The following KIF18B variants were observed in gnomAD, a reference collection of about 807,000 sequenced individuals.
KIF18B encodes kinesin-like protein KIF18B.
Under a neutral mutation model 80.9 loss-of-function variants are expected in KIF18B, and 49 were observed. The observed-to-expected ratio is 0.61, with a 90% confidence interval of 0.48 to 0.77. The LOEUF is 0.77. KIF18B is among the 30% of genes least tolerant of loss of function. KIF18B has a pLI of 0.00. For synonymous variants in KIF18B, 439 were observed against 463.9 expected (o/e 0.95, Z 0.69); for missense variants, 994 against 1,127.7 (o/e 0.88, Z 1.70).
rs1380019142 is a variant in KIF18B at position 44,928,285 on chromosome 17, T to C, written c.2017A>G (p.Ser673Gly). 1.2e-6 allele frequency: 2 copies of C among 1,613,380 alleles called. No individual in the cohort carries two copies. Among genetic ancestry groups the C allele is most frequent in the Non-Finnish European group, 1.7e-6 (2 of 1,179,776 alleles). Residue 673 changes from serine (S) to glycine (G), a missense_variant, in exon 13 of 16, where the codon AGC becomes GGC. Physicochemically the swap from Ser to Gly is moderately conservative, Grantham distance 56 (BLOSUM62 0). Transcript: ENST00000593135. ...GAGGCCCTTTCTCCTTTGGGGGTGC[T>C]GGGCCCCTGTGAAGGTTGGGTGTCA... ...LPDTQPSQGP[S>G]TPKGERASSP... is the part of the protein sequence containing the mutation.
At chr17:44,935,932 G>T in intron 2 of KIF18B, 100 bp downstream of exon 2, 4 of 1,068,296 alleles carry the variant, frequency 3.7e-6, no homozygotes, top group Non-Finnish European at 5.6e-6. Context: ...ATCGTGCCCA[G>T]CTTGGGGGAG....
rs926397684 is a variant in KIF18B, at chr17:44,925,945, G to T, written c.*135C>A. The T allele has an allele frequency of 1.3e-6, 1 of 797,072 alleles. No homozygotes were observed. The highest frequency in any genetic ancestry group is 2.1e-6 in the Non-Finnish European group (1 of 473,130). 49.4% of individuals were successfully genotyped at this position (797,072 alleles called of 1,614,324 possible). A position where few individuals can be genotyped will look rare whatever the true frequency, so the allele number is the denominator to read the frequency against. On this transcript the variant is annotated 3_prime_UTR_variant, in exon 16 of 16. Coordinates refer to ENST00000593135, the MANE Select transcript of KIF18B (RefSeq NM_001265577.2). ...GGGGAGGGATGTTAATACAGCAAAG[G>T]TGTGTTGGCACTAATTGCTCCCAGG... is the stretch of plus-strand genomic sequence containing the variant.
At position 44,928,350 on chromosome 17, in the gene KIF18B, C is replaced by G. The variant is rs371129096; in HGVS notation, c.1952G>C (p.Arg651Pro). 1.9e-6 allele frequency: 3 copies of G among 1,605,376 alleles called. No individual in the cohort carries two copies. The South Asian group carries it at 3.3e-5, about 18-fold the overall frequency. The change falls in exon 13 of 16, where the codon CGC (arginine) becomes CCC (proline). Residue 651 changes from arginine (R) to proline (P), a missense_variant. Arg to Pro is a moderately radical substitution (Grantham distance 103). Transcript: ENST00000593135. ...CCTTAGGCAGGGCAGGAAGGACTGGCGCTGGCGCTTGGTGCCCCGCTTTGG... is the reference window on the plus strand; with the variant it reads ...CCTTAGGCAGGGCAGGAAGGACTGGGGCTGGCGCTTGGTGCCCCGCTTTGG... ...MAPKRGTKRQRQSFLPCLRRG... is the reference protein window; with the variant it reads ...MAPKRGTKRQPQSFLPCLRRG...
chr17:44,936,796 T>A (rs895160454), intron 1 of KIF18B, among the ~76,000 whole-genome samples: 4 of 150,440 alleles, frequency 2.7e-5, no homozygotes, highest in Non-Finnish European at 4.4e-5. Context: ...TGTGCCACCA[T>A]GCCTGGCTAA....
intron 1 of KIF18B, among the ~76,000 whole-genome samples, chr17:44,947,330 G>A (rs1375302356): frequency 6.6e-6 from 1 of 152,052 alleles, no homozygotes; most frequent in African/African-American, 2.4e-5. Context: ...ACGTACAGAG[G>A]GCCAGGCCCC....
chr17:44,943,677 T>C (rs957289457), intron 1 of KIF18B, among the ~76,000 whole-genome samples: 52 of 152,306 alleles, frequency 3.4e-4, no homozygotes, highest in African/African-American at 1.2e-3. Flanking sequence ...GAATGGATAT[T>C]GAACTTTATT....
At position 44,926,973 on chromosome 17, in the gene KIF18B, A is replaced by C. The variant is rs1183018357; in HGVS notation, c.2366+16T>G. The C allele has an allele frequency of 6.3e-7, 1 of 1,596,652 alleles. No individual in the cohort carries two copies. The highest frequency in any genetic ancestry group is 2.3e-5 in the East Asian group (1 of 44,442). On this transcript the variant is annotated intron_variant, in intron 14 of 15. Coordinates refer to ENST00000593135, the MANE Select transcript of KIF18B (RefSeq NM_001265577.2). ...GAGCTCCTTCTCCCAGACAGCTGAC[A>C]CCTCCCAAACCTCACCTCGCAACGC...
chr17:44,926,143 T>C lies in KIF18B; in HGVS notation c.2496A>G (p.Gly832=), dbSNP rs1321175024. The C allele has an allele frequency of 1.9e-6, 3 of 1,613,732 alleles. No individual in the cohort carries two copies. The highest frequency in any genetic ancestry group is 2.5e-6 in the Non-Finnish European group (3 of 1,179,866). Residue 832 remains glycine (G), a synonymous_variant, in exon 16 of 16, where the codon GGA becomes GGG. Transcript: ENST00000593135. ...CTCTCCCCACCCTGATGAGGTCCTT[T>C]CCATTCCTCCGGTTGCTAGGGCACA... The part of the protein sequence containing the change: ...SPLCPSNRRN[G]KDLIRVGRAL...
chr17:44,941,834 T>TAA (rs1055755776), intron 1 of KIF18B, among the ~76,000 whole-genome samples: 1 of 152,002 alleles, frequency 6.6e-6, no homozygotes, highest in Non-Finnish European at 1.5e-5. Flanking sequence ...AGCAGGAAAT[T>TAA]AAAAAGGGCA....
In KIF18B at chr17:44,933,918, C is replaced by G; in HGVS notation, c.1062+5G>C. ...ACGCCCAAGCCGGCCCTGGCTGGCACGCACCGAGAGCCTGATCTCCTTGGC... is the reference window on the plus strand; with the variant it reads ...ACGCCCAAGCCGGCCCTGGCTGGCAGGCACCGAGAGCCTGATCTCCTTGGC... On this transcript the variant is annotated splice_donor_5th_base_variant and intron_variant, in intron 7 of 15. Transcript: ENST00000593135. The G allele has an allele frequency of 6.4e-7, 1 of 1,553,796 alleles. No individual in the cohort carries two copies. The highest frequency in any genetic ancestry group is 1.4e-5 in the African/African-American group (1 of 73,642).
At chr17:44,926,391 T>G in intron 15 of KIF18B, 23 bp downstream of exon 15, 9 of 1,559,972 alleles carry the variant, frequency 5.8e-6, no homozygotes, top group Non-Finnish European at 7.8e-6. Context: ...GCCCAGGCTA[T>G]CCCTGTCCCT....
At chr17:44,936,805 A>G (rs1465411297) in intron 1 of KIF18B, among the ~76,000 whole-genome samples, 1 of 148,932 alleles carries the variant, frequency 6.7e-6, no homozygotes, top group East Asian at 2.0e-4. Context: ...ATGCCTGGCT[A>G]ATTTTTTTTT....
At position 44,946,847 on chromosome 17, in the gene KIF18B, G is replaced by A. The variant is rs149520225; in HGVS notation, c.-15+781C>T. ...CATTCAATCAAACATTTGGCCAGGC[G>A]CAGTGGCTCACATCTGTAATCCCAG... On this transcript the variant is annotated intron_variant, in intron 1 of 15. Coordinates refer to ENST00000593135, the MANE Select transcript of KIF18B (RefSeq NM_001265577.2). 1.3e-3 allele frequency among the ~76,000 whole-genome samples: 202 copies of A among 152,158 alleles called. 1 individual carries two copies. The highest frequency in any genetic ancestry group is 4.6e-3 in the African/African-American group (190 of 41,512).
In KIF18B at chr17:44,934,649, G is replaced by T; in HGVS notation, c.577-32C>A. Reference sequence around the variant, plus strand: ...AGGAGAAGCCCAGGAACGGGGCTGTGGGTTCCCGGATCAGGACTTTTCCCC... The same window carrying T: ...AGGAGAAGCCCAGGAACGGGGCTGTTGGTTCCCGGATCAGGACTTTTCCCC... On this transcript the variant is annotated intron_variant, in intron 4 of 15. Coordinates refer to ENST00000593135, the MANE Select transcript of KIF18B (RefSeq NM_001265577.2). This position sits in a 1 kb window ranked among gnomAD's most constrained non-coding sequence, Gnocchi z 5.4. 1 of 1,534,792 alleles carries T rather than the reference G, an allele frequency of 6.5e-7. No individual in the cohort carries two copies. The highest frequency in any genetic ancestry group is 8.8e-7 in the Non-Finnish European group (1 of 1,134,274).
chr17:44,930,280 G>A (rs565515723), intron 11 of KIF18B, among the ~76,000 whole-genome samples: 260 of 152,288 alleles, frequency 1.7e-3, no homozygotes, highest in Middle Eastern at 0.014. Flanking sequence ...CTGGACAAAG[G>A]CTTCAGTGCC....
intron 1 of KIF18B, among the ~76,000 whole-genome samples, chr17:44,936,584 CTCTCTCTCTCTCTCTATA>C (rs1318072606): frequency 4.5e-4 from 26 of 57,874 alleles, no homozygotes; most frequent in African/African-American, 1.4e-3. Context: ...CTCTCTCTCT[CTCTCTCTCTCTCTCTATA>C]TATATATATA....
chr17:44,931,974 G>C, intron 10 of KIF18B, 82 bp downstream of exon 10: 1 of 1,449,712 alleles, frequency 6.9e-7, no homozygotes, highest in South Asian at 1.3e-5. Context: ...AAGGGACTCT[G>C]AGTCAGGGAG....
chr17:44,937,153 T>C (rs1478584851), intron 1 of KIF18B, among the ~76,000 whole-genome samples: 1 of 152,132 alleles, frequency 6.6e-6, no homozygotes, highest in East Asian at 1.9e-4. Flanking sequence ...TTCTTTTCTA[T>C]AGCTTTCTTG....
At position 44,934,509 on chromosome 17, in the gene KIF18B, G is replaced by A; in HGVS notation, c.685C>T (p.Gln229Ter). Residue 229 changes from glutamine (Q) to a stop codon, truncating the protein, a stop_gained and splice_region_variant, in exon 5 of 16, where the codon CAG becomes TAG. Transcript: ENST00000593135. LOFTEE classifies it high-confidence loss of function. The surrounding 1 kb of genome is among the most constrained non-coding windows in gnomAD (Gnocchi z 5.4). ...ATSSRSHAIFQIFVKQQDRVP... is the reference protein window; with the variant it reads ...ATSSRSHAIF The stretch of plus-strand genomic sequence containing the variant: ...CAGGCTCTGACCCATGACCTCACCT[G>A]GAAGATGGCATGGGAGCGGGAGGAA... 6.2e-7 allele frequency: 1 copy of A among 1,611,452 alleles called. No homozygotes were observed. Among genetic ancestry groups the A allele is most frequent in the Non-Finnish European group, 8.5e-7 (1 of 1,178,632 alleles).
Sources: allele counts gnomAD v4.1 joint callset (sites outside exome capture counted in the v4.1 genomes callset), GRCh38; gene constraint gnomAD v4.1.1; non-coding constraint Gnocchi (gnomAD v3.1); transcripts MANE v1.5; gene names NCBI Gene and HGNC (gene_info 2026-07-23, HGNC 2026-07-21).